The following SERPINB1 variants were observed in gnomAD, a reference collection of about 807,000 sequenced individuals.
The protein encoded by SERPINB1 is serpin family B member 1.
Under a neutral mutation model 25.9 loss-of-function variants are expected in SERPINB1, and 23 were observed. The ratio of observed to expected loss-of-function variants is 0.89; its 90% CI spans 0.64 to 1.26. SERPINB1 has a LOEUF of 1.26. SERPINB1 is among the 50% of genes most tolerant of loss of function. The probability of loss-of-function intolerance (pLI) is 0.00; values close to 1 mark genes in which losing one functional copy is unlikely to be tolerated. For missense variants in SERPINB1, 399 were observed against 463.6 expected (o/e 0.86, Z 1.28); for synonymous variants, 178 against 178.7 (o/e 1.00, Z 0.03).
intron 6 of SERPINB1, among the ~76,000 whole-genome samples, chr6:2,834,849 A>G (rs1766439488): frequency 6.6e-6 from 1 of 152,232 alleles, no homozygotes; most frequent in African/African-American, 2.4e-5. Flanking sequence ...AGAGCATTAA[A>G]TGAAATGATG....
chr6:2,833,600 T>A lies in SERPINB1; in HGVS notation c.*8A>T. The A allele has an allele frequency of 6.3e-7, 1 of 1,590,396 alleles. No homozygotes were observed. The highest frequency in any genetic ancestry group is 8.6e-7 in the Non-Finnish European group (1 of 1,167,878). ...GCTTGATTTTTGTATTGCTACAGTC[T>A]CTTTCTTCTAAGGGGAAGAAAATCT... On this transcript the variant is annotated 3_prime_UTR_variant, in exon 7 of 7. Coordinates refer to ENST00000380739, the MANE Select transcript of SERPINB1 (RefSeq NM_030666.4).
rs1766531649 is a variant in SERPINB1, at chr6:2,837,641, G to A, written c.424+241C>T. ...TTTTGGGGAGCTGATGAGAAAAAAGGATTTAGCTGCTTGAGTTAAATCATG... is the reference window on the plus strand; with the variant it reads ...TTTTGGGGAGCTGATGAGAAAAAAGAATTTAGCTGCTTGAGTTAAATCATG... On this transcript the variant is annotated intron_variant, in intron 4 of 6. Coordinates refer to ENST00000380739, the MANE Select transcript of SERPINB1 (RefSeq NM_030666.4). The surrounding 1 kb of genome is among the most constrained non-coding windows in gnomAD (Gnocchi z 4.3). 6.6e-6 allele frequency among the ~76,000 whole-genome samples: 1 copy of A among 152,210 alleles called. No individual in the cohort carries two copies. The highest frequency in any genetic ancestry group is 1.5e-5 in the Non-Finnish European group (1 of 68,034).
Position 2,837,579 on chromosome 6 carries a change from C to A in SERPINB1, c.424+303G>T, listed in dbSNP as rs979568374. On this transcript the variant is annotated intron_variant, in intron 4 of 6. Transcript: ENST00000380739. The surrounding 1 kb of genome is among the most constrained non-coding windows in gnomAD (Gnocchi z 4.3). ...TACAGGCATGAGCCACCGCGCCTGC[C>A]AATGTTGGTTTTAACTTTGAAATGC... Among the ~76,000 whole-genome samples, 29 of 152,186 alleles carry A rather than the reference C, an allele frequency of 1.9e-4. No homozygotes were observed. The highest frequency in any genetic ancestry group is 7.0e-4 in the African/African-American group (29 of 41,440).
At chr6:2,835,491 T>A (rs111520736) in intron 6 of SERPINB1, among the ~76,000 whole-genome samples, 15 of 152,302 alleles carry the variant, frequency 9.8e-5, no homozygotes, top group African/African-American at 3.6e-4. Flanking sequence ...TATAGATCTT[T>A]AATGACCCCA....
In SERPINB1 at chr6:2,841,301, CG is replaced by C. The variant is rs1467478177; in HGVS notation, c.-9+510del. 1 of 152,224 alleles carries C rather than the reference CG, an allele frequency of 6.6e-6. No individual in the cohort carries two copies. The highest frequency in any genetic ancestry group is 1.5e-5 in the Non-Finnish European group (1 of 68,126). 9.4% of individuals were successfully genotyped at this position (152,224 alleles called of 1,614,324 possible). ...CCACTCTCAGAGCCCTGATTTCCCC[CG>C]AGGACAGGCAAAGAAGAACCGTGCT... On this transcript the variant is annotated intron_variant, in intron 1 of 6. Transcript: ENST00000380739. This position sits in a 1 kb window ranked among gnomAD's most constrained non-coding sequence, Gnocchi z 4.5.
rs111818360 is a variant in SERPINB1, at chr6:2,837,766, G to C, written c.424+116C>G. ...GGCAGCGTCCTCTGACTGTAACCACGATGTGCGCCAGGACTGTGGGAGCTG... is the reference window on the plus strand; with the variant it reads ...GGCAGCGTCCTCTGACTGTAACCACCATGTGCGCCAGGACTGTGGGAGCTG... On this transcript the variant is annotated intron_variant, in intron 4 of 6. Coordinates refer to ENST00000380739, the MANE Select transcript of SERPINB1 (RefSeq NM_030666.4). This position sits in a 1 kb window ranked among gnomAD's most constrained non-coding sequence, Gnocchi z 4.3. 6.4e-6 allele frequency: 5 copies of C among 779,494 alleles called. No individual in the cohort carries two copies. Among genetic ancestry groups the C allele is most frequent in the Non-Finnish European group, 1.1e-5 (5 of 450,194 alleles). 48.3% of individuals were successfully genotyped at this position (779,494 alleles called of 1,614,324 possible).
chr6:2,834,061 A>T, intron 6 of SERPINB1, 49 bp from the exon 7 acceptor site: 3 of 1,494,620 alleles, frequency 2.0e-6, no homozygotes, highest in Non-Finnish European at 2.7e-6. Context: ...ATTTTACATA[A>T]GTAAGGCAAT....
chr6:2,838,153 T>C (rs902338509), intron 3 of SERPINB1, among the ~76,000 whole-genome samples, 154 bp from the exon 4 acceptor site: 1 of 152,226 alleles, frequency 6.6e-6, no homozygotes, highest in African/African-American at 2.4e-5. Context: ...CTTATAGTAG[T>C]AAAAATCATT....
In SERPINB1 at chr6:2,836,032, T is replaced by A. The variant is rs385955; in HGVS notation, c.568-9A>T. ...ACAGTTTTTCTGTCTTTCTGAACAG[T>A]TTTAAAAAATCACTGAAATTATTCT... is the stretch of plus-strand genomic sequence containing the variant. On this transcript the variant is annotated splice_polypyrimidine_tract_variant and intron_variant, in intron 5 of 6. Transcript: ENST00000380739. The A allele has an allele frequency of 0.57, 912,762 of 1,613,456 alleles. 260,307 individuals carry two copies. The highest frequency in any genetic ancestry group is 0.68 in the Admixed American group (40,954 of 59,926).
chr6:2,836,116 A>G lies in SERPINB1; in HGVS notation c.559T>C (p.Leu187=), dbSNP rs141312757. 178 of 1,613,828 alleles carry G rather than the reference A, an allele frequency of 1.1e-4. No individual in the cohort carries two copies. The highest frequency in any genetic ancestry group is 3.3e-4 in the Middle Eastern group (2 of 6,082). Residue 187 remains leucine, a synonymous_variant, in exon 5 of 7, where the codon TTG becomes CTG. Transcript: ENST00000380739. The part of the protein sequence containing the change: ...KEATTNAPFR[L]NKKDRKTVKM... ...CAGTTACCTCACCTCACCTTATTCA[A>G]TCTGAATGGTGCATTCGTCGTGGCT...
intron 2 of SERPINB1, chr6:2,839,323 C>T: frequency 1.0e-6 from 1 of 984,924 alleles, no homozygotes; most frequent in Non-Finnish European, 1.2e-6. Context: ...GTACGAAGTC[C>T]ACATTACTCA....
In SERPINB1 at chr6:2,833,806, A is replaced by G; in HGVS notation, c.942T>C (p.Phe314=). The change falls in exon 7 of 7, where the codon TTT becomes TTC. Residue 314 remains phenylalanine, a synonymous_variant. Transcript: ENST00000380739. ...LSGMSGARDI[F]ISKIVHKSFV... Reference sequence around the variant, plus strand: ...ATGACTTGTGGACAATTTTTGATATAAAAATATCTCTGGCTCCTGACATGC... The same window carrying G: ...ATGACTTGTGGACAATTTTTGATATGAAAATATCTCTGGCTCCTGACATGC... 1.2e-6 allele frequency: 2 copies of G among 1,614,138 alleles called. No homozygotes were observed. Among genetic ancestry groups the G allele is most frequent in the Non-Finnish European group, 1.7e-6 (2 of 1,180,008 alleles).
At position 2,841,106 on chromosome 6, in the gene SERPINB1, G is replaced by A. The variant is rs1385389427; in HGVS notation, c.-8-512C>T. ...TTAAAACTCCAGCAAAGGTATCACT[G>A]TAATTATTATAATAATATAATTCTT... is the stretch of plus-strand genomic sequence containing the variant. On this transcript the variant is annotated intron_variant, in intron 1 of 6. Transcript: ENST00000380739. The surrounding 1 kb of genome is among the most constrained non-coding windows in gnomAD (Gnocchi z 4.5). The A allele has an allele frequency of 6.6e-6, 1 of 152,214 alleles. No homozygotes were observed. The highest frequency in any genetic ancestry group is 2.4e-5 in the African/African-American group (1 of 41,432). 9.4% of individuals were successfully genotyped at this position (152,214 alleles called of 1,614,324 possible).
intron 5 of SERPINB1, 42 bp from the exon 6 acceptor site, chr6:2,836,065 C>G (rs777150937): frequency 2.5e-6 from 4 of 1,613,582 alleles, no homozygotes; most frequent in Non-Finnish European, 3.4e-6. Flanking sequence ...TCTCTGCATT[C>G]TTTTAGAGCA....
At chr6:2,835,105 A>G (rs1416307451) in intron 6 of SERPINB1, among the ~76,000 whole-genome samples, 1 of 152,228 alleles carries the variant, frequency 6.6e-6, no homozygotes, top group African/African-American at 2.4e-5. Flanking sequence ...AATGATTAAC[A>G]TTAGACCCCC....
chr6:2,833,980 A>G lies in SERPINB1; in HGVS notation c.768T>C (p.His256=), dbSNP rs1766415488. ...CGAGATTCTCAGGTTTAGTCCACTC[A>G]TGCAACTTTTCCAAAGTCAACTGTT... ...IEEQLTLEKL[H]EWTKPENLDF... is the part of the protein sequence containing the mutation. The change falls in exon 7 of 7, where the codon CAT becomes CAC. Residue 256 remains histidine, a synonymous_variant. Coordinates refer to ENST00000380739, the MANE Select transcript of SERPINB1 (RefSeq NM_030666.4). The G allele has an allele frequency of 6.2e-7, 1 of 1,603,944 alleles. No individual in the cohort carries two copies. Among genetic ancestry groups the G allele is most frequent in the African/African-American group, 1.3e-5 (1 of 74,586 alleles).
chr6:2,838,095 A>G (rs886927741), intron 3 of SERPINB1, 96 bp from the exon 4 acceptor site: 1 of 833,164 alleles, frequency 1.2e-6, no homozygotes, highest in South Asian at 1.7e-5. Flanking sequence ...ATTGTCCTAA[A>G]AGGCTACAAT....
rs1221140009 is a variant in SERPINB1 at position 2,837,741 on chromosome 6, G to A, written c.424+141C>T. 1.6e-5 allele frequency: 11 copies of A among 695,068 alleles called. No homozygotes were observed. The highest frequency in any genetic ancestry group is 3.4e-5 in the South Asian group (2 of 58,538). The allele number at this position is 695,068 out of a possible 1,614,324, so 43.1% of individuals were successfully genotyped here. On this transcript the variant is annotated intron_variant, in intron 4 of 6. Transcript: ENST00000380739. This position sits in a 1 kb window ranked among gnomAD's most constrained non-coding sequence, Gnocchi z 4.3. Reference sequence around the variant, plus strand: ...ACGTGCAGTGCAGACTTCACGCACCGGCAGCGTCCTCTGACTGTAACCACG... The same window carrying A: ...ACGTGCAGTGCAGACTTCACGCACCAGCAGCGTCCTCTGACTGTAACCACG...
At position 2,833,581 on chromosome 6, in the gene SERPINB1, T is replaced by C. The variant is rs775565540; in HGVS notation, c.*27A>G. ...TCAGGTAATAAAGCACTAAGCTTGA[T>C]TTTTGTATTGCTACAGTCTCTTTCT... On this transcript the variant is annotated 3_prime_UTR_variant, in exon 7 of 7. Transcript: ENST00000380739. 8 of 1,557,254 alleles carry C rather than the reference T, an allele frequency of 5.1e-6. No homozygotes were observed. Among genetic ancestry groups the C allele is most frequent in the East Asian group, 2.3e-5 (1 of 44,374 alleles).
Sources: allele counts gnomAD v4.1 joint callset (sites outside exome capture counted in the v4.1 genomes callset), GRCh38; gene constraint gnomAD v4.1.1; non-coding constraint Gnocchi (gnomAD v3.1); transcripts MANE v1.5; gene names NCBI Gene and HGNC (gene_info 2026-07-23, HGNC 2026-07-21).